PCLO: variants seen among roughly 807,000 people sequenced by gnomAD.
PCLO encodes the protein protein piccolo.
A neutral mutation model predicts 427.5 loss-of-function variants in PCLO; 82 were observed. The observed-to-expected ratio is 0.19, with a 90% CI of 0.16 to 0.23. PCLO has a LOEUF of 0.23. Ranked by LOEUF, PCLO falls within the 10% of genes least tolerant of loss-of-function variation. The pLI is 1.00. For missense variants in PCLO, 6,239 were observed against 6,115.9 expected, an observed-to-expected ratio of 1.02 and a Z score of -0.67; for synonymous variants, 2,357 against 2,155.4, an observed-to-expected ratio of 1.09 and a Z score of -2.59.
intron 2 of PCLO, among the ~76,000 whole-genome samples, chr7:83,144,063 C>T (rs187528494): frequency 8.3e-4 from 127 of 152,272 alleles, no homozygotes; most frequent in Middle Eastern, 3.4e-3. Flanking sequence ...TTAAATCAGA[C>T]GCTCACTAGG....
intron 20 of PCLO, among the ~76,000 whole-genome samples, chr7:82,806,143 T>C (rs904612564): frequency 7.2e-5 from 11 of 152,106 alleles, no homozygotes; most frequent in African/African-American, 2.7e-4. Context: ...TTGTACAGTA[T>C]TGCAAAAATG....
chr7:82,895,608 T>C (rs1479945486), intron 9 of PCLO, among the ~76,000 whole-genome samples: 1 of 151,862 alleles, frequency 6.6e-6, no homozygotes, highest in East Asian at 1.9e-4. Flanking sequence ...GAAGACACTA[T>C]AATAAAAATT....
At chr7:83,047,682 T>C (rs1460096895) in intron 3 of PCLO, among the ~76,000 whole-genome samples, 1 of 152,058 alleles carries the variant, frequency 6.6e-6, no homozygotes, top group Admixed American at 6.6e-5. Flanking sequence ...CTTTATTAAA[T>C]TCATAAACAT....
Position 82,918,246 on chromosome 7 carries a change from T to C in PCLO, c.11113-1373A>G, listed in dbSNP as rs1465007690. The stretch of plus-strand genomic sequence containing the variant: ...GTTTGACATGTCATTTATTTCTTCC[T>C]ACTCATTCTCAATTCTTTTCATTTT... On this transcript the variant is annotated intron_variant, in intron 6 of 24. Coordinates refer to ENST00000333891, the MANE Select transcript of PCLO (RefSeq NM_033026.6). Among the ~76,000 whole-genome samples the C allele has an allele frequency of 3.9e-5, 6 of 152,032 alleles. 1 individual carries two copies. The highest frequency in any genetic ancestry group is 6.6e-5 in the Admixed American group (1 of 15,230).
At chr7:83,050,227 A>AAAAAACAAAAAAAAAAAC (rs1554385582) in intron 3 of PCLO, among the ~76,000 whole-genome samples, 3 of 85,650 alleles carry the variant, frequency 3.5e-5, no homozygotes, top group Admixed American at 1.2e-4. Context: ...AAAAAAAAAA[A>AAAAAACAAAAAAAAAAAC]AAAAAAAAAA....
chr7:83,050,208 GAAAAAAA>G (rs556193471), intron 3 of PCLO, among the ~76,000 whole-genome samples: 20 of 5,456 alleles, frequency 3.7e-3, no homozygotes, highest in African/African-American at 6.0e-3. Flanking sequence ...CTGAAAAACT[GAAAAAAA>G]AAAAAAAAAA....
intron 4 of PCLO, among the ~76,000 whole-genome samples, chr7:82,961,009 T>C (rs1412955183): frequency 1.3e-5 from 2 of 152,190 alleles, no homozygotes; most frequent in East Asian, 1.9e-4. Context: ...TCCAGCTATG[T>C]GATCTTGGGC....
intron 3 of PCLO, among the ~76,000 whole-genome samples, chr7:83,069,732 C>G (rs559098574): frequency 6.6e-6 from 1 of 151,608 alleles, no homozygotes; most frequent in African/African-American, 2.4e-5. Flanking sequence ...AAATGTCACT[C>G]TTTATATTCT....
chr7:82,927,988 AATTT>A (rs1794752929), intron 6 of PCLO, among the ~76,000 whole-genome samples: 2 of 152,140 alleles, frequency 1.3e-5, no homozygotes, highest in South Asian at 4.1e-4. Context: ...ATTTAACTAA[AATTT>A]ATTTATTCAT....
chr7:83,155,542 C>A lies in PCLO; in HGVS notation c.1099G>T (p.Gly367Cys). ...GTTKPPAQPL[G>C]PAKPPAQQTG... ...TGCTGAGCTGGAGGCTTAGCAGGAC[C>A]AAGAGGCTGAGCTGGAGGCTTTGTT... The change falls in exon 2 of 25, where the codon GGT (glycine) becomes TGT (cysteine). Residue 367 changes from glycine (G) to cysteine (C), a missense_variant. Around this residue, in one of 5 missense-constraint regions of PCLO, gnomAD observed 4,677 missense variants for 4,468.4 expected, o/e 1.05. Coordinates refer to ENST00000333891, the MANE Select transcript of PCLO (RefSeq NM_033026.6). 3.7e-6 allele frequency: 6 copies of A among 1,612,710 alleles called. No homozygotes were observed. The highest frequency in any genetic ancestry group is 4.2e-6 in the Non-Finnish European group (5 of 1,179,150).
Position 82,956,683 on chromosome 7 carries a change from C to A in PCLO, c.4270G>T (p.Ala1424Ser), listed in dbSNP as rs745834243. 1 of 1,613,680 alleles carries A rather than the reference C, an allele frequency of 6.2e-7. No homozygotes were observed. The highest frequency in any genetic ancestry group is 1.7e-5 in the Admixed American group (1 of 59,988). Residue 1424 changes from alanine (A) to serine (S), a missense_variant, in exon 5 of 25, where the codon GCA becomes TCA. Ala to Ser is a moderately conservative substitution (Grantham distance 99, BLOSUM62 1). This residue lies in a region of PCLO where 4,677 missense variants were observed against 4,468.4 expected (regional missense o/e 1.05). Transcript: ENST00000333891. ...STVLSILEAQ[A>S]STLADEKSEK... ...GACTTTTCATCAGCAAGTGTACTTG[C>A]TTGAGCTTCCAAAATAGATAGGACT...
At chr7:83,044,252 A>C (rs1789049884) in intron 3 of PCLO, among the ~76,000 whole-genome samples, 1 of 152,272 alleles carries the variant, frequency 6.6e-6, no homozygotes, top group African/African-American at 2.4e-5. Context: ...ACCTCCGTCC[A>C]GGTCCTTCCC....
At chr7:83,100,142 CA>C (rs967102542) in intron 3 of PCLO, among the ~76,000 whole-genome samples, 2 of 151,656 alleles carry the variant, frequency 1.3e-5, no homozygotes, top group African/African-American at 2.4e-5. Flanking sequence ...ATATAATTGG[CA>C]AAAAAAATTG....
rs1790302365 is a variant in PCLO, at chr7:82,755,652, A to T, written c.*2923T>A. The T allele has an allele frequency of 6.6e-6, 1 of 152,152 alleles. No homozygotes were observed. 9.4% of individuals were successfully genotyped at this position (152,152 alleles called of 1,614,324 possible). ...AGAGATTACAAACTCTGTCAGTATT[A>T]GAATAAAAAAAAGTTAATTCCAATA... On this transcript the variant is annotated 3_prime_UTR_variant, in exon 25 of 25. Coordinates refer to ENST00000333891, the MANE Select transcript of PCLO (RefSeq NM_033026.6).
At chr7:82,841,865 A>C (rs1792376082) in intron 13 of PCLO, among the ~76,000 whole-genome samples, 1 of 152,082 alleles carries the variant, frequency 6.6e-6, no homozygotes, top group African/African-American at 2.4e-5. Flanking sequence ...ACATTCAACA[A>C]ATAAAAGATT....
At chr7:82,795,298 C>A (rs1376654607) in intron 22 of PCLO, among the ~76,000 whole-genome samples, 1 of 151,828 alleles carries the variant, frequency 6.6e-6, no homozygotes, top group Non-Finnish European at 1.5e-5. Context: ...ATCCATTTGC[C>A]CATTTATCTA....
Position 82,869,769 on chromosome 7 carries a change from G to A in PCLO, c.13654+9568C>T, listed in dbSNP as rs1177935971. Reference sequence around the variant, plus strand: ...AAAAATGGTGCACAGTAGTAGTAAAGAAAAATAAGAAAGCAATCCTATTTA... The same window carrying A: ...AAAAATGGTGCACAGTAGTAGTAAAAAAAAATAAGAAAGCAATCCTATTTA... On this transcript the variant is annotated intron_variant, in intron 10 of 24. Transcript: ENST00000333891. Among the ~76,000 whole-genome samples, 5 of 151,786 alleles carry A rather than the reference G, an allele frequency of 3.3e-5. No individual in the cohort carries two copies. The East Asian group carries it at 7.8e-4, about 24-fold the overall frequency.
chr7:82,851,959 A>T (rs1374836144), intron 10 of PCLO, among the ~76,000 whole-genome samples: 1 of 152,012 alleles, frequency 6.6e-6, no homozygotes, highest in Non-Finnish European at 1.5e-5. Context: ...AAATTTATAT[A>T]TTTTTCATAT....
At chr7:83,064,454 C>T (rs1008399026) in intron 3 of PCLO, among the ~76,000 whole-genome samples, 5 of 151,930 alleles carry the variant, frequency 3.3e-5, no homozygotes, top group African/African-American at 1.2e-4. Flanking sequence ...TTTGAGGATG[C>T]AACATGGTGT....
Sources: allele counts gnomAD v4.1 joint callset (sites outside exome capture counted in the v4.1 genomes callset), GRCh38; gene constraint gnomAD v4.1.1; regional missense constraint gnomAD v4.1.1; transcripts MANE v1.5; gene names NCBI Gene and HGNC (gene_info 2026-07-23, HGNC 2026-07-21).